TEX14: variants seen among roughly 807,000 people sequenced by gnomAD.
The protein encoded by TEX14 is testis expressed 14, intercellular bridge forming factor, also known as inactive serine/threonine-protein kinase TEX14.
Under a neutral mutation model 178.6 loss-of-function variants are expected in TEX14, and 168 were observed. The observed-to-expected ratio is 0.94, with a 90% CI of 0.83 to 1.07. The LOEUF is 1.07. Among genes scored for constraint, TEX14 ranks in the 50% least tolerant of loss-of-function variants. TEX14 has a pLI of 0.00. For missense variants in TEX14, 1,730 were observed against 1,753.6 expected (o/e 0.99, Z 0.24); for synonymous variants, 626 against 634.1 (o/e 0.99, Z 0.19).
At chr17:58,581,397 A>G (rs1187329431) in intron 19 of TEX14, among the ~76,000 whole-genome samples, 1 of 152,176 alleles carries the variant, frequency 6.6e-6, no homozygotes, top group Non-Finnish European at 1.5e-5. Flanking sequence ...GAAACTGCAC[A>G]TGACTTCCCA....
chr17:58,690,761 T>C (rs1412181925), intron 1 of TEX14, among the ~76,000 whole-genome samples: 1 of 152,150 alleles, frequency 6.6e-6, no homozygotes, highest in African/African-American at 2.4e-5. Flanking sequence ...AAATGGGGTA[T>C]AAATGCTTCT....
rs758659226 is a variant in TEX14 at position 58,599,019 on chromosome 17, T to C, written c.2326A>G (p.Arg776Gly). The part of the protein sequence containing the change: ...EERMSLWATS[R>G]EFTNAYKLPL... Reference sequence around the variant, plus strand: ...AACTTGTAGGCATTTGTAAACTCTCTTGAAGTGGCCCATAAAGACATGCGC... The same window carrying C: ...AACTTGTAGGCATTTGTAAACTCTCCTGAAGTGGCCCATAAAGACATGCGC... Residue 776 changes from arginine to glycine, a missense_variant, in exon 14 of 32, where the codon AGA (arginine) becomes GGA (glycine). Arg to Gly is a moderately radical substitution (Grantham distance 125). Around this residue, in one of 2 missense-constraint regions of TEX14, gnomAD observed 941 missense variants for 1,072.4 expected, o/e 0.88. Transcript: ENST00000349033. 6 of 1,614,122 alleles carry C rather than the reference T, an allele frequency of 3.7e-6. No homozygotes were observed. The highest frequency in any genetic ancestry group is 4.2e-6 in the Non-Finnish European group (5 of 1,180,002).
intron 3 of TEX14, among the ~76,000 whole-genome samples, chr17:58,628,412 A>G (rs534376407): frequency 5.9e-5 from 9 of 152,164 alleles, no homozygotes; most frequent in African/African-American, 1.9e-4. Context: ...CCCTGCCTCT[A>G]CTAAGAATAC....
At chr17:58,661,374 TG>T in intron 1 of TEX14, 2 of 927,030 alleles carry the variant, frequency 2.2e-6, no homozygotes, top group Non-Finnish European at 3.6e-6. Context: ...TTCAGGTCGG[TG>T]GAAGTAATCT....
chr17:58,578,963 A>G (rs1457896563), intron 20 of TEX14, among the ~76,000 whole-genome samples: 1 of 152,208 alleles, frequency 6.6e-6, no homozygotes, highest in Non-Finnish European at 1.5e-5. Context: ...TAGGTGGATA[A>G]CTCTACTTTT....
chr17:58,587,813 G>T, intron 16 of TEX14, 83 bp downstream of exon 16: 3 of 1,268,678 alleles, frequency 2.4e-6, no homozygotes, highest in South Asian at 1.2e-5. Flanking sequence ...GAGTTGCACT[G>T]ACCCCTTTGC....
At chr17:58,676,406 C>CA (rs2047396041) in intron 1 of TEX14, among the ~76,000 whole-genome samples, 2 of 148,398 alleles carry the variant, frequency 1.3e-5, no homozygotes, top group African/African-American at 5.0e-5. Flanking sequence ...AAAAAAAACA[C>CA]AAAAAAACCC....
At chr17:58,608,802 CTAAAT>C (rs1285401207) in intron 10 of TEX14, among the ~76,000 whole-genome samples, 1 of 152,212 alleles carries the variant, frequency 6.6e-6, no homozygotes, top group Non-Finnish European at 1.5e-5. Context: ...CTTTAAAAGG[CTAAAT>C]TGGCGTGTGC....
chr17:58,651,689 C>G (rs1296578277), intron 2 of TEX14, among the ~76,000 whole-genome samples, 177 bp downstream of exon 2: 1 of 152,154 alleles, frequency 6.6e-6, no homozygotes, highest in Non-Finnish European at 1.5e-5. Flanking sequence ...ACAAAACATC[C>G]TCAAAATGAG....
chr17:58,651,269 C>T (rs1364895647), intron 2 of TEX14, among the ~76,000 whole-genome samples: 3 of 152,134 alleles, frequency 2.0e-5, no homozygotes, highest in Non-Finnish European at 4.4e-5. Flanking sequence ...GAGTGAGACT[C>T]TGTCTCCAAA....
rs114875752 is a variant in TEX14 at position 58,600,238 on chromosome 17, C to G, written c.1679-572G>C. On this transcript the variant is annotated intron_variant, in intron 13 of 31. Coordinates refer to ENST00000349033, the MANE Select transcript of TEX14 (RefSeq NM_031272.5). ...TTGGTGAGCATCTGATAACAGTAGC[C>G]TAGGGCCAGGCGTGGTGGTTCACGC... 3.2e-3 allele frequency among the ~76,000 whole-genome samples: 484 copies of G among 152,238 alleles called. 5 individuals are homozygous for G. Among genetic ancestry groups the G allele is most frequent in the African/African-American group, 0.011 (464 of 41,528 alleles).
intron 2 of TEX14, among the ~76,000 whole-genome samples, chr17:58,640,450 TCA>T (rs1230819627): frequency 6.6e-6 from 1 of 152,168 alleles, no homozygotes; most frequent in African/African-American, 2.4e-5. Flanking sequence ...TTGCCTAAGG[TCA>T]CACAGTTTTG....
At chr17:58,598,818 C>A (rs1464622639) in intron 14 of TEX14, 58 bp downstream of exon 14, 1 of 1,461,868 alleles carries the variant, frequency 6.8e-7, no homozygotes, top group African/African-American at 1.4e-5. Context: ...GGTTTCCAGC[C>A]ACAACCATTT....
chr17:58,660,404 A>G (rs2643126), intron 1 of TEX14: 101,501 of 379,462 alleles, frequency 0.27, 16,372 homozygotes, highest in Middle Eastern at 0.39. Flanking sequence ...TCCATCTCAA[A>G]AAAATAAATA....
rs544088420 is a variant in TEX14, at chr17:58,582,604, C to T, written c.3171+1896G>A. Among the ~76,000 whole-genome samples the T allele has an allele frequency of 8.2e-5, 12 of 146,988 alleles. No individual in the cohort carries two copies. The South Asian group carries it at 2.6e-3, about 32-fold the overall frequency. On this transcript the variant is annotated intron_variant, in intron 19 of 31. Transcript: ENST00000349033. ...TTTGAGACAGAGTCTTCCTCTGTCACCCAGGCTGGCGTGCAGTGGCATGAT... is the reference window on the plus strand; with the variant it reads ...TTTGAGACAGAGTCTTCCTCTGTCATCCAGGCTGGCGTGCAGTGGCATGAT...
At chr17:58,686,382 A>T (rs1384571098) in intron 1 of TEX14, among the ~76,000 whole-genome samples, 1 of 152,120 alleles carries the variant, frequency 6.6e-6, no homozygotes, top group African/African-American at 2.4e-5. Context: ...TGGTTCATGG[A>T]GGCAGGAAAT....
chr17:58,671,587 G>A (rs2047304551), intron 1 of TEX14, among the ~76,000 whole-genome samples: 1 of 152,032 alleles, frequency 6.6e-6, no homozygotes, highest in Non-Finnish European at 1.5e-5. Context: ...CCTGCCTGTG[G>A]TCCATTAAAA....
chr17:58,684,692 C>T (rs1310099259), intron 1 of TEX14, among the ~76,000 whole-genome samples: 1 of 151,794 alleles, frequency 6.6e-6, no homozygotes, highest in African/African-American at 2.4e-5. Context: ...AAGCTTTCTT[C>T]CTCCTACCAC....
rs767836481 is a variant in TEX14 at position 58,613,561 on chromosome 17, G to A, written c.882-17C>T. 33 of 1,613,286 alleles carry A rather than the reference G, an allele frequency of 2.0e-5. No homozygotes were observed. In the Admixed American group the frequency reaches 5.5e-4, roughly 27 times the overall value. On this transcript the variant is annotated splice_polypyrimidine_tract_variant and intron_variant, in intron 8 of 31. Coordinates refer to ENST00000349033, the MANE Select transcript of TEX14 (RefSeq NM_031272.5). ...CGCAGCTTGCTGCAAAAGAAAAGAA[G>A]CTTCAGATAAGGCAGGTGAGAGGAG...
Sources: gnomAD v4.1 joint callset for allele counts (sites outside exome capture counted in the v4.1 genomes callset) on GRCh38, gnomAD v4.1.1 for gene constraint, gnomAD v4.1.1 regional missense constraint, MANE v1.5 for transcripts, NCBI Gene and HGNC (gene_info 2026-07-23, HGNC 2026-07-21) for gene names.